Variants in PDIA5 observed in about 807,000 individuals in gnomAD.
The protein encoded by PDIA5 is protein disulfide-isomerase A5.
PDIA5 carries 58 observed loss-of-function variants against 77.6 expected under a neutral mutation model. The ratio of observed to expected loss-of-function variants is 0.75; its 90% CI spans 0.61 to 0.93. The LOEUF (loss-of-function observed/expected upper bound fraction) is 0.93. PDIA5 is among the 40% of genes least tolerant of loss of function. The pLI, the probability that PDIA5 is intolerant of heterozygous loss-of-function variation, is 0.00. For synonymous variants in PDIA5, 250 were observed against 252.1 expected, an observed-to-expected ratio of 0.99 and a Z score of 0.08; for missense variants, 630 against 647.7, an observed-to-expected ratio of 0.97 and a Z score of 0.30.
In PDIA5 at chr3:123,150,259, C is replaced by T. The variant is rs752598124; in HGVS notation, c.1168C>T (p.Pro390Ser). 5.6e-6 allele frequency: 9 copies of T among 1,613,390 alleles called. No individual in the cohort carries two copies. The South Asian group carries it at 9.9e-5, about 18-fold the overall frequency. The change falls in exon 14 of 17, where the codon CCC becomes TCC. Residue 390 changes from proline (P) to serine (S), a missense_variant. Coordinates refer to ENST00000316218, the MANE Select transcript of PDIA5 (RefSeq NM_006810.4). ...CCCTGAGGCCCCCCCGCCCCCAGAGCCCACGTGGGAAGAGCAGCAGACAAG... is the reference window on the plus strand; with the variant it reads ...CCCTGAGGCCCCCCCGCCCCCAGAGTCCACGTGGGAAGAGCAGCAGACAAG... ...QNPEAPPPPE[P>S]TWEEQQTSVL...
At chr3:123,128,759 C>G (rs1935300715) in intron 10 of PDIA5, among the ~76,000 whole-genome samples, 1 of 152,170 alleles carries the variant, frequency 6.6e-6, no homozygotes, top group Non-Finnish European at 1.5e-5. Flanking sequence ...AAAAAGAATA[C>G]ATTCAAAAGT....
At chr3:123,097,372 G>C (rs546694772) in intron 3 of PDIA5, among the ~76,000 whole-genome samples, 17 of 152,114 alleles carry the variant, frequency 1.1e-4, no homozygotes, top group African/African-American at 4.1e-4. Context: ...TTACATGTCT[G>C]CAGAGAAGCC....
chr3:123,112,417 C>G (rs1003508723), intron 7 of PDIA5, among the ~76,000 whole-genome samples: 2 of 151,962 alleles, frequency 1.3e-5, no homozygotes, highest in Non-Finnish European at 2.9e-5. Flanking sequence ...CTCCTCCCAT[C>G]TGTGCCCTGG....
intron 3 of PDIA5, among the ~76,000 whole-genome samples, chr3:123,100,417 A>G (rs1180402508): frequency 1.3e-5 from 2 of 152,120 alleles, no homozygotes; most frequent in African/African-American, 4.8e-5. Context: ...TGGAGAGCCC[A>G]CTCCCAGCTT....
chr3:123,133,208 C>T (rs1481813326), intron 11 of PDIA5, among the ~76,000 whole-genome samples: 1 of 152,182 alleles, frequency 6.6e-6, no homozygotes, highest in East Asian at 1.9e-4. Flanking sequence ...CAAGAAACCA[C>T]TTTTGCAGTG....
At chr3:123,078,584 T>C (rs1933915691) in intron 1 of PDIA5, among the ~76,000 whole-genome samples, 1 of 152,232 alleles carries the variant, frequency 6.6e-6, no homozygotes, top group Non-Finnish European at 1.5e-5. Flanking sequence ...GAAGTTTATA[T>C]ATGATGTTCC....
intron 8 of PDIA5, among the ~76,000 whole-genome samples, chr3:123,122,196 G>A (rs1935135662): frequency 6.6e-6 from 1 of 152,168 alleles, no homozygotes; most frequent in Non-Finnish European, 1.5e-5. Flanking sequence ...GTTTTGTGCA[G>A]GGAAGTGATG....
At chr3:123,124,427 G>A (rs777216902) in intron 10 of PDIA5, 84 bp downstream of exon 10, 24 of 932,526 alleles carry the variant, frequency 2.6e-5, no homozygotes, top group Non-Finnish European at 3.9e-5. Context: ...GGCTCTGGCT[G>A]GAGGTTGGGG....
chr3:123,126,401 TA>T (rs1935247124), intron 10 of PDIA5, among the ~76,000 whole-genome samples: 1 of 152,244 alleles, frequency 6.6e-6, no homozygotes, highest in African/African-American at 2.4e-5. Flanking sequence ...CAAGAGCTAG[TA>T]ATGTCATTCT....
chr3:123,151,218 C>T (rs1935885372), intron 14 of PDIA5, among the ~76,000 whole-genome samples: 2 of 152,248 alleles, frequency 1.3e-5, no homozygotes, highest in African/African-American at 4.8e-5. Context: ...CCTCCCTGCC[C>T]ATCTCTTTCT....
At chr3:123,088,097 G>T (rs543926867) in intron 1 of PDIA5, among the ~76,000 whole-genome samples, 4 of 152,118 alleles carry the variant, frequency 2.6e-5, no homozygotes, top group Admixed American at 2.6e-4. Context: ...ACCCTCTGCC[G>T]GGTTATCTCC....
At chr3:123,160,485 T>C (rs1200846963) in intron 15 of PDIA5, among the ~76,000 whole-genome samples, 1 of 152,204 alleles carries the variant, frequency 6.6e-6, no homozygotes, top group African/African-American at 2.4e-5. Context: ...TTCCCTGGTC[T>C]CCTCCTCTTC....
At chr3:123,069,001 C>T (rs1221416577) in intron 1 of PDIA5, among the ~76,000 whole-genome samples, 1 of 152,150 alleles carries the variant, frequency 6.6e-6, no homozygotes, top group African/African-American at 2.4e-5. Context: ...CCAGGAGGTG[C>T]GGAAGAGCAG....
intron 15 of PDIA5, among the ~76,000 whole-genome samples, chr3:123,160,124 A>C (rs1415392701): frequency 6.6e-6 from 1 of 152,176 alleles, no homozygotes. Flanking sequence ...GTCCCCCAGC[A>C]TCTAGAACAG....
chr3:123,101,653 T>G (rs1934599630), intron 3 of PDIA5, among the ~76,000 whole-genome samples: 1 of 152,152 alleles, frequency 6.6e-6, no homozygotes, highest in South Asian at 2.1e-4. Context: ...AAAACAAAAA[T>G]CTTGCTTGTC....
At chr3:123,135,751 T>TTC (rs1291744767) in intron 11 of PDIA5, among the ~76,000 whole-genome samples, 1 of 149,216 alleles carries the variant, frequency 6.7e-6, no homozygotes, top group East Asian at 1.9e-4. Context: ...ACAACTTTTT[T>TTC]TTTTTTTTTT....
chr3:123,110,297 A>G (rs1383987114), intron 6 of PDIA5, among the ~76,000 whole-genome samples: 1 of 152,200 alleles, frequency 6.6e-6, no homozygotes, highest in Non-Finnish European at 1.5e-5. Flanking sequence ...AGGGTTTTAC[A>G]AATCTATTTT....
intron 11 of PDIA5, among the ~76,000 whole-genome samples, chr3:123,135,885 T>C (rs1429276582): frequency 6.6e-6 from 1 of 150,516 alleles, no homozygotes; most frequent in Non-Finnish European, 1.5e-5. Flanking sequence ...ATCACATGTA[T>C]AGATTTGTGT....
Position 123,067,188 on chromosome 3 carries a change from G to T in PDIA5, c.24G>T (p.Trp8Cys). The T allele has an allele frequency of 8.0e-7, 1 of 1,247,596 alleles. No homozygotes were observed. Among genetic ancestry groups the T allele is most frequent in the Middle Eastern group, 2.9e-4 (1 of 3,412 alleles). The allele number at this position is 1,247,596 out of a possible 1,614,324, so 77.3% of individuals were successfully genotyped here. ...GGATGGCGCGGGCCGGGCCGGCGTG[G>T]CTGCTGCTGGCAATCTGGGTGAGAC... Reference protein sequence around the residue: MARAGPAWLLLAIWVVLP... With the variant: MARAGPACLLLAIWVVLP... Residue 8 changes from tryptophan to cysteine, a missense_variant, in exon 1 of 17, where the codon TGG becomes TGT. By Grantham distance (215) the Trp-to-Cys change is radical. Coordinates refer to ENST00000316218, the MANE Select transcript of PDIA5 (RefSeq NM_006810.4).
Sources: allele counts gnomAD v4.1 joint callset (sites outside exome capture counted in the v4.1 genomes callset), GRCh38; gene constraint gnomAD v4.1.1; transcripts MANE v1.5; gene names NCBI Gene and HGNC (gene_info 2026-07-23, HGNC 2026-07-21).